The following CDH13 variants were observed in gnomAD, a reference collection of about 807,000 sequenced individuals.
CDH13 encodes the protein cadherin 13.
In CDH13, 24 loss-of-function variants were observed where a neutral mutation model predicts 63.8. The observed-to-expected ratio is 0.38, with a 90% CI of 0.27 to 0.53. The LOEUF (loss-of-function observed/expected upper bound fraction) is 0.53. Among genes scored for constraint, CDH13 ranks in the 20% least tolerant of loss-of-function variants. The pLI is 0.85. For synonymous variants in CDH13, 503 were observed against 355.3 expected (o/e 1.42, Z -4.67); for missense variants, 1,049 against 903.1 (o/e 1.16, Z -2.07).
At chr16:83,577,911 C>T (rs1034911034) in intron 7 of CDH13, among the ~76,000 whole-genome samples, 1 of 152,180 alleles carries the variant, frequency 6.6e-6, no homozygotes, top group African/African-American at 2.4e-5. Flanking sequence ...GTATATAATT[C>T]TCCTGCTCTA....
chr16:82,934,948 C>G (rs2042618839), intron 2 of CDH13, among the ~76,000 whole-genome samples: 1 of 152,200 alleles, frequency 6.6e-6, no homozygotes, highest in South Asian at 2.1e-4. Flanking sequence ...GTCCTCCAAA[C>G]TGTTCCAACC....
intron 4 of CDH13, among the ~76,000 whole-genome samples, chr16:83,140,328 C>G (rs1317898418): frequency 3.9e-5 from 6 of 152,220 alleles, no homozygotes; most frequent in Non-Finnish European, 8.8e-5. Context: ...TCTTCATGTC[C>G]TTCATCAACA....
rs563350217 is a variant in CDH13, at chr16:83,700,775, A to G, written c.1538+22314A>G. On this transcript the variant is annotated intron_variant, in intron 10 of 13. Coordinates refer to ENST00000567109, the MANE Select transcript of CDH13 (RefSeq NM_001257.5). ...ACTGCCCAGATATGGCCACCATTAT[A>G]TTTCATTTTGTTAATTCCACAGGCG... 3.3e-5 allele frequency among the ~76,000 whole-genome samples: 5 copies of G among 152,244 alleles called. No individual in the cohort carries two copies. In the East Asian group the frequency reaches 5.8e-4, roughly 18 times the overall value.
intron 11 of CDH13, among the ~76,000 whole-genome samples, chr16:83,748,706 G>C (rs1225697677): frequency 6.6e-6 from 1 of 152,206 alleles, no homozygotes; most frequent in Non-Finnish European, 1.5e-5. Context: ...CCCTCAGTTA[G>C]TGGCTGCACA....
At chr16:83,507,907 C>G (rs1234030180) in intron 7 of CDH13, among the ~76,000 whole-genome samples, 3 of 151,422 alleles carry the variant, frequency 2.0e-5, no homozygotes, top group African/African-American at 7.3e-5. Flanking sequence ...TGGCGGGCGC[C>G]TGTAATTCCA....
At chr16:83,411,621 CAAAT>C (rs1167184313) in intron 6 of CDH13, among the ~76,000 whole-genome samples, 9 of 152,188 alleles carry the variant, frequency 5.9e-5, no homozygotes, top group Admixed American at 5.9e-4. Flanking sequence ...TGTGATGGCT[CAAAT>C]AACCTATGAT....
Position 83,446,034 on chromosome 16 carries a change from C to G in CDH13, c.782-40443C>G, listed in dbSNP as rs576256995. Among the ~76,000 whole-genome samples the G allele has an allele frequency of 8.7e-4, 133 of 152,192 alleles. 1 individual carries two copies. The highest frequency in any genetic ancestry group is 3.1e-3 in the African/African-American group (127 of 41,534). On this transcript the variant is annotated intron_variant, in intron 6 of 13. Coordinates refer to ENST00000567109, the MANE Select transcript of CDH13 (RefSeq NM_001257.5). ...ATGAGGAAGGTCAGGTGCTGTGGCT[C>G]AGGTCTGTAATCCCAGCACTTTGGG...
intron 6 of CDH13, among the ~76,000 whole-genome samples, chr16:83,418,141 A>G (rs2071609235): frequency 6.6e-6 from 1 of 152,188 alleles, no homozygotes; most frequent in Non-Finnish European, 1.5e-5. Context: ...CATTAGCTAC[A>G]TGGCTGTCAG....
At position 83,761,563 on chromosome 16, in the gene CDH13, A is replaced by C. The variant is rs7198046; in HGVS notation, c.1681+13313A>C. On this transcript the variant is annotated intron_variant, in intron 11 of 13. Coordinates refer to ENST00000567109, the MANE Select transcript of CDH13 (RefSeq NM_001257.5). ...GCACAAAAGCAGCTGGATTGGTTAC[A>C]CTCGGCATTTGCCTTATTTGAACGC... Among the ~76,000 whole-genome samples, 352 of 152,298 alleles carry C rather than the reference A, an allele frequency of 2.3e-3. 1 individual carries two copies. Among genetic ancestry groups the C allele is most frequent in the African/African-American group, 8.0e-3 (332 of 41,552 alleles).
chr16:83,466,435 C>G (rs1459948955), intron 6 of CDH13, among the ~76,000 whole-genome samples: 1 of 152,230 alleles, frequency 6.6e-6, no homozygotes, highest in Non-Finnish European at 1.5e-5. Context: ...TAAGATTTCA[C>G]CTTCCTATGA....
chr16:82,955,768 C>A (rs1233203508), intron 2 of CDH13, among the ~76,000 whole-genome samples: 5 of 152,170 alleles, frequency 3.3e-5, no homozygotes, highest in Admixed American at 2.0e-4. Flanking sequence ...GCAGCTACTG[C>A]ATTCCGATTA....
chr16:83,513,024 GAAGAA>G (rs1567726789), intron 7 of CDH13, among the ~76,000 whole-genome samples: 1 of 59,476 alleles, frequency 1.7e-5, no homozygotes, highest in African/African-American at 5.0e-5. Context: ...ATAAATAAAA[GAAGAA>G]AAAAAAAAAG....
At chr16:83,714,164 A>G (rs1020349589) in intron 10 of CDH13, among the ~76,000 whole-genome samples, 3 of 152,164 alleles carry the variant, frequency 2.0e-5, no homozygotes, top group Admixed American at 6.5e-5. Context: ...AGCCACAACA[A>G]TCCCATCCAC....
chr16:83,333,322 A>C (rs1239370334), intron 5 of CDH13, among the ~76,000 whole-genome samples: 1 of 152,188 alleles, frequency 6.6e-6, no homozygotes, highest in Non-Finnish European at 1.5e-5. Context: ...ATAGGAATTG[A>C]ATCTAGTATA....
intron 5 of CDH13, among the ~76,000 whole-genome samples, chr16:83,334,834 G>C (rs575623799): frequency 6.6e-6 from 1 of 152,120 alleles, no homozygotes; most frequent in East Asian, 1.9e-4. Context: ...AGGATATGTA[G>C]ATAGAGTACT....
intron 5 of CDH13, among the ~76,000 whole-genome samples, chr16:83,251,992 T>C (rs569069906): frequency 1.3e-5 from 2 of 151,898 alleles, no homozygotes; most frequent in East Asian, 3.9e-4. Context: ...TGTCCTGTAT[T>C]GACTGATCCC....
intron 13 of CDH13, among the ~76,000 whole-genome samples, chr16:83,792,140 A>C (rs1400856785): frequency 1.3e-5 from 2 of 152,226 alleles, no homozygotes; most frequent in African/African-American, 4.8e-5. Flanking sequence ...CGGCCTGCAA[A>C]GGCATTAAAC....
chr16:82,987,462 C>G (rs976048273), intron 2 of CDH13, among the ~76,000 whole-genome samples: 1 of 152,136 alleles, frequency 6.6e-6, no homozygotes, highest in Non-Finnish European at 1.5e-5. Context: ...TTGCAACCTC[C>G]TCCTTCTAGG....
chr16:83,437,857 A>C (rs1377643236), intron 6 of CDH13, among the ~76,000 whole-genome samples: 2 of 152,126 alleles, frequency 1.3e-5, no homozygotes, highest in African/African-American at 4.8e-5. Context: ...TTAGGAGAAA[A>C]AGCAAATAAA....
Sources: gnomAD v4.1 joint callset for allele counts (sites outside exome capture counted in the v4.1 genomes callset) on GRCh38, gnomAD v4.1.1 for gene constraint, MANE v1.5 for transcripts, NCBI Gene and HGNC (gene_info 2026-07-23, HGNC 2026-07-21) for gene names.